The following CEP131 variants were observed in gnomAD, a reference collection of about 807,000 sequenced individuals.
CEP131 encodes centrosomal protein 131.
A neutral mutation model predicts 136.8 loss-of-function variants in CEP131; 99 were observed. The observed-to-expected ratio is 0.72, with a 90% CI of 0.62 to 0.86. The LOEUF (loss-of-function observed/expected upper bound fraction) is 0.86, where lower values mean the gene tolerates loss of function less well. Ranked by LOEUF, CEP131 falls within the 40% of genes least tolerant of loss-of-function variation. The probability of loss-of-function intolerance (pLI) is 0.00; values close to 1 mark genes in which losing one functional copy is unlikely to be tolerated. For missense variants in CEP131, 1,459 were observed against 1,463.0 expected (o/e 1.00, Z 0.04); for synonymous variants, 646 against 612.7 (o/e 1.05, Z -0.80).
At chr17:81,198,057 C>A in intron 12 of CEP131, 58 bp downstream of exon 12, 1 of 1,502,898 alleles carries the variant, frequency 6.7e-7, no homozygotes, top group Admixed American at 2.1e-5. Context: ...CCACCGCATG[C>A]TCTGTGTGAA....
At position 81,199,431 on chromosome 17, in the gene CEP131, G is replaced by C. The variant is rs1444020498; in HGVS notation, c.1142C>G (p.Ser381Cys). 6.2e-7 allele frequency: 1 copy of C among 1,607,288 alleles called. No individual in the cohort carries two copies. The highest frequency in any genetic ancestry group is 1.3e-5 in the African/African-American group (1 of 74,874). Reference sequence around the variant, plus strand: ...GTGGGCAGTGCCGCCTGGTGTGGGGGACAGCTCCTGAGCAGGCTGCCGCAT... The same window carrying C: ...GTGGGCAGTGCCGCCTGGTGTGGGGCACAGCTCCTGAGCAGGCTGCCGCAT... The part of the protein sequence containing the change: ...PGMRQPAQEL[S>C]PTPGGTAHQA... Residue 381 changes from serine (S) to cysteine (C), a missense_variant, in exon 10 of 26, where the codon TCC (serine) becomes TGC (cysteine). Coordinates refer to ENST00000450824, the MANE Select transcript of CEP131 (RefSeq NM_014984.4).
Position 81,189,661 on chromosome 17 carries a change from C to T in CEP131, c.*108G>A. The T allele has an allele frequency of 1.6e-6, 2 of 1,220,546 alleles. No homozygotes were observed. Among genetic ancestry groups the T allele is most frequent in the South Asian group, 3.0e-5 (2 of 67,098 alleles). 75.6% of individuals were successfully genotyped at this position (1,220,546 alleles called of 1,614,324 possible). ...AGGTGCTTAGCCGTGGGCATCTCAA[C>T]CACCAGCCTCTGTGGGGGGCAGGTG... On this transcript the variant is annotated 3_prime_UTR_variant, in exon 26 of 26. Coordinates refer to ENST00000450824, the MANE Select transcript of CEP131 (RefSeq NM_014984.4).
Position 81,198,191 on chromosome 17 carries a change from T to C in CEP131, c.1394A>G (p.Gln465Arg), listed in dbSNP as rs748508376. The change falls in exon 12 of 26, where the codon CAG (glutamine) becomes CGG (arginine). Residue 465 changes from glutamine (Q) to arginine (R), a missense_variant. Transcript: ENST00000450824. ...GPLEELLHTL[Q>R]LLEKEPDVLP... ...CACGTCCGGCTCCTTCTCCAGCAGC[T>C]GCAGTGTGTGCAGCAGCTCCTCCAG... 6.3e-7 allele frequency: 1 copy of C among 1,587,384 alleles called. No homozygotes were observed. Among genetic ancestry groups the C allele is most frequent in the Non-Finnish European group, 8.6e-7 (1 of 1,166,690 alleles).
At chr17:81,196,197 C>T (rs2061751623) in intron 15 of CEP131, among the ~76,000 whole-genome samples, 1 of 152,230 alleles carries the variant, frequency 6.6e-6, no homozygotes, top group South Asian at 2.1e-4. Context: ...AGCCCCAGCC[C>T]ACCCCCTGCA....
At chr17:81,214,429 G>A (rs956292018) in intron 2 of CEP131, among the ~76,000 whole-genome samples, 1 of 151,970 alleles carries the variant, frequency 6.6e-6, no homozygotes, top group African/African-American at 2.4e-5. Context: ...GGTGGCAGGC[G>A]CCTGTAATCC....
Position 81,191,598 on chromosome 17 carries a change from C to T in CEP131, c.2623-263G>A, listed in dbSNP as rs546399914. On this transcript the variant is annotated intron_variant, in intron 21 of 25. Coordinates refer to ENST00000450824, the MANE Select transcript of CEP131 (RefSeq NM_014984.4). Reference sequence around the variant, plus strand: ...CACAGCCCATGACAACCTGAGGCCACCTTCTGCTACCAGATGGGATGGGAA... The same window carrying T: ...CACAGCCCATGACAACCTGAGGCCATCTTCTGCTACCAGATGGGATGGGAA... Among the ~76,000 whole-genome samples, 6 of 152,328 alleles carry T rather than the reference C, an allele frequency of 3.9e-5. No homozygotes were observed. The East Asian group carries it at 1.2e-3, about 29-fold the overall frequency.
chr17:81,191,356 T>G lies in CEP131; in HGVS notation c.2623-21A>C. 6 of 1,612,068 alleles carry G rather than the reference T, an allele frequency of 3.7e-6. No individual in the cohort carries two copies. The South Asian group carries it at 6.6e-5, about 18-fold the overall frequency. The stretch of plus-strand genomic sequence containing the variant: ...GCCTCCTGGGGGGACATGCGCTGCC[T>G]GGGGGTTGCCACCCGGAGCCGGCCC... On this transcript the variant is annotated intron_variant, in intron 21 of 25. Transcript: ENST00000450824.
intron 15 of CEP131, 140 bp downstream of exon 15, chr17:81,196,561 A>G: frequency 1.5e-6 from 2 of 1,308,770 alleles, no homozygotes; most frequent in East Asian, 5.1e-5. Context: ...GGCATGGGAA[A>G]GGCTTGGAAT....
rs370621152 is a variant in CEP131, at chr17:81,195,816, G to A, written c.2016+19C>T. 3.5e-5 allele frequency: 56 copies of A among 1,595,934 alleles called. No individual in the cohort carries two copies. The African/African-American group carries it at 4.9e-4, about 14-fold the overall frequency. Reference sequence around the variant, plus strand: ...TGAGCCGGGCTTGGGACGCCGTGCAGTAGGGAGCAAAGCCTCACCAGCTCG... The same window carrying A: ...TGAGCCGGGCTTGGGACGCCGTGCAATAGGGAGCAAAGCCTCACCAGCTCG... On this transcript the variant is annotated intron_variant, in intron 16 of 25. Transcript: ENST00000450824.
In CEP131 at chr17:81,195,839, T is replaced by G; in HGVS notation, c.2012A>C (p.Glu671Ala). 2 of 1,603,274 alleles carry G rather than the reference T, an allele frequency of 1.2e-6. No individual in the cohort carries two copies. The highest frequency in any genetic ancestry group is 1.7e-6 in the Non-Finnish European group (2 of 1,179,698). ...CAGTAGGGAGCAAAGCCTCACCAGC[T>G]CGTGCTGCGCCTGTGCCTGGGCCAC... is the stretch of plus-strand genomic sequence containing the variant. Reference protein sequence around the residue: ...ERVAQAQAQHELEIKKLKELM... With the variant: ...ERVAQAQAQHALEIKKLKELM... Residue 671 changes from glutamate (E) to alanine (A), a missense_variant, in exon 16 of 26, where the codon GAG becomes GCG. Physicochemically the swap from Glu to Ala is moderately radical, Grantham distance 107. Transcript: ENST00000450824.
At chr17:81,202,525 C>T (rs993074669) in intron 6 of CEP131, 127 bp from the exon 7 acceptor site, 5 of 1,158,650 alleles carry the variant, frequency 4.3e-6, no homozygotes, top group Admixed American at 2.4e-5. Context: ...GGCTGGCAGC[C>T]GGGGCAGAGG....
intron 1 of CEP131, among the ~76,000 whole-genome samples, chr17:81,221,088 G>T (rs973451537): frequency 5.3e-5 from 7 of 133,164 alleles, no homozygotes; most frequent in African/African-American, 1.9e-4. Context: ...TCGTGACACT[G>T]CACTCCAGCC....
rs199746653 is a variant in CEP131 at position 81,189,784 on chromosome 17, C to T, written c.3228G>A (p.Thr1076=). The stretch of plus-strand genomic sequence containing the variant: ...GCATCCCTGGTCACTTGGTACTTGG[C>T]GTGGGCCTCCTGTGCTGCTCCAGCA... ...EELLEQHRRP[T]PSTK Residue 1076 remains threonine, a synonymous_variant, in exon 26 of 26, where the codon ACG becomes ACA. Coordinates refer to ENST00000450824, the MANE Select transcript of CEP131 (RefSeq NM_014984.4). 10 of 1,606,000 alleles carry T rather than the reference C, an allele frequency of 6.2e-6. No individual in the cohort carries two copies. The highest frequency in any genetic ancestry group is 2.7e-5 in the African/African-American group (2 of 74,798).
chr17:81,208,044 CCCACACACA>C lies in CEP131; in HGVS notation c.273-814_273-806del, dbSNP rs2062051641. ...CCACACACCCACACACCACACACCC[CCCACACACA>C]CCACACTCACACCACACACCCACAC... is the stretch of plus-strand genomic sequence containing the variant. On this transcript the variant is annotated intron_variant, in intron 3 of 25. Coordinates refer to ENST00000450824, the MANE Select transcript of CEP131 (RefSeq NM_014984.4). The surrounding 1 kb of genome is among the most constrained non-coding windows in gnomAD (Gnocchi z 5.6). 8.4e-6 allele frequency among the ~76,000 whole-genome samples: 1 copy of C among 119,178 alleles called. No homozygotes were observed. The highest frequency in any genetic ancestry group is 2.6e-4 in the East Asian group (1 of 3,820). The allele number at this position is 119,178 out of a possible 152,430, so 78.2% of individuals were successfully genotyped here. A position where few individuals can be genotyped will look rare whatever the true frequency, so the allele number is the denominator to read the frequency against.
chr17:81,194,471 A>C (rs1323775532), intron 17 of CEP131, among the ~76,000 whole-genome samples: 1 of 151,992 alleles, frequency 6.6e-6, no homozygotes, highest in East Asian at 1.9e-4. Context: ...TCAGACCACA[A>C]CACCCACCAG....
chr17:81,189,955 C>T lies in CEP131; in HGVS notation c.3128G>A (p.Arg1043Lys). The T allele has an allele frequency of 6.2e-7, 1 of 1,610,732 alleles. No individual in the cohort carries two copies. Among genetic ancestry groups the T allele is most frequent in the Non-Finnish European group, 8.5e-7 (1 of 1,178,092 alleles). The change falls in exon 25 of 26, where the codon AGG becomes AAG. Residue 1043 changes from arginine (R) to lysine (K), a missense_variant. Around this residue, in one of 3 missense-constraint regions of CEP131, gnomAD observed 1,026 missense variants for 964.2 expected, o/e 1.06. Coordinates refer to ENST00000450824, the MANE Select transcript of CEP131 (RefSeq NM_014984.4). ...VHRRVKTALA[R>K]KEEAVSSLRT... is the part of the protein sequence containing the mutation. ...GAGGCTGCTCACGGCCTCCTCCTTC[C>T]TCGCGAGGGCTGTCTTCACCCTGTG...
Position 81,196,798 on chromosome 17 carries a change from C to G in CEP131, c.1802G>C (p.Arg601Pro). ...LAQQRDLTARRVKETEKALSR... is the reference protein window; with the variant it reads ...LAQQRDLTARPVKETEKALSR... ...CAGCGCCTTCTCTGTCTCCTTGACC[C>G]GCCGGGCCGTGAGGTCTCGCTGCTG... Residue 601 changes from arginine (R) to proline (P), a missense_variant, in exon 15 of 26, where the codon CGG (arginine) becomes CCG (proline). Arg to Pro is a moderately radical substitution (Grantham distance 103). Around this residue, in one of 3 missense-constraint regions of CEP131, gnomAD observed 1,026 missense variants for 964.2 expected, o/e 1.06. Transcript: ENST00000450824. The G allele has an allele frequency of 6.3e-7, 1 of 1,590,866 alleles. No homozygotes were observed. The highest frequency in any genetic ancestry group is 8.5e-7 in the Non-Finnish European group (1 of 1,170,276).
rs878855356 is a variant in CEP131 at position 81,195,817 on chromosome 17, T to C, written c.2016+18A>G. 6.3e-7 allele frequency: 1 copy of C among 1,596,658 alleles called. No individual in the cohort carries two copies. On this transcript the variant is annotated intron_variant, in intron 16 of 25. Coordinates refer to ENST00000450824, the MANE Select transcript of CEP131 (RefSeq NM_014984.4). The stretch of plus-strand genomic sequence containing the variant: ...GAGCCGGGCTTGGGACGCCGTGCAG[T>C]AGGGAGCAAAGCCTCACCAGCTCGT...
intron 17 of CEP131, 48 bp from the exon 18 acceptor site, chr17:81,194,175 G>A (rs370384977): frequency 3.7e-5 from 54 of 1,441,442 alleles, no homozygotes; most frequent in South Asian, 7.4e-5. Flanking sequence ...GGGTGGGCCC[G>A]GGAAGTCCAA....
Sources: gnomAD v4.1 joint callset for allele counts (sites outside exome capture counted in the v4.1 genomes callset) on GRCh38, gnomAD v4.1.1 for gene constraint, gnomAD v4.1.1 regional missense constraint, Gnocchi (gnomAD v3.1) non-coding constraint, MANE v1.5 for transcripts, NCBI Gene and HGNC (gene_info 2026-07-23, HGNC 2026-07-21) for gene names.